CACNB2: variants seen among roughly 807,000 people sequenced by gnomAD.
The protein encoded by CACNB2 is calcium voltage-gated channel auxiliary subunit beta 2, also known as voltage-dependent L-type calcium channel subunit beta-2.
Under a neutral mutation model 73.3 loss-of-function variants are expected in CACNB2, and 42 were observed. The observed-to-expected ratio is 0.57, with a 90% CI of 0.45 to 0.74. The LOEUF (loss-of-function observed/expected upper bound fraction) is 0.74, where lower values mean the gene tolerates loss of function less well. Ranked by LOEUF, CACNB2 falls within the 30% of genes least tolerant of loss-of-function variation. CACNB2 has a pLI of 0.00. For synonymous variants in CACNB2, 348 were observed against 310.3 expected (o/e 1.12, Z -1.28); for missense variants, 940 against 853.0 (o/e 1.10, Z -1.27).
At chr10:18,408,501 AGTTCTGG>A (rs1413557921) in intron 3 of CACNB2, among the ~76,000 whole-genome samples, 5 of 152,034 alleles carry the variant, frequency 3.3e-5, no homozygotes, top group African/African-American at 1.2e-4. Context: ...GGACTCTTGA[AGTTCTGG>A]GATTACAAGC....
At position 18,356,871 on chromosome 10, in the gene CACNB2, C is replaced by T. The variant is rs986279516; in HGVS notation, c.214-45053C>T. ...TCTCGAACTCCTGGGCTCAAACGAT[C>T]CTCCTGCCTCAGCTTCCCAAAGTGC... On this transcript the variant is annotated intron_variant, in intron 2 of 13. Coordinates refer to ENST00000324631, the MANE Select transcript of CACNB2 (RefSeq NM_201596.3). 3.3e-5 allele frequency among the ~76,000 whole-genome samples: 5 copies of T among 151,866 alleles called. No individual in the cohort carries two copies. The East Asian group carries it at 5.8e-4, about 18-fold the overall frequency.
intron 13 of CACNB2, 62 bp from the exon 14 acceptor site, chr10:18,539,168 C>G: frequency 6.2e-7 from 1 of 1,608,908 alleles, no homozygotes; most frequent in Non-Finnish European, 8.5e-7. Context: ...TGCACTTGCT[C>G]TGGGACATGT....
At chr10:18,179,146 T>C (rs888069123) in intron 2 of CACNB2, among the ~76,000 whole-genome samples, 9 of 152,190 alleles carry the variant, frequency 5.9e-5, no homozygotes, top group Non-Finnish European at 1.2e-4. Context: ...ATAAAATAAA[T>C]GTCAATAACT....
At chr10:18,168,184 G>A (rs1452429066) in intron 2 of CACNB2, among the ~76,000 whole-genome samples, 9 of 152,160 alleles carry the variant, frequency 5.9e-5, no homozygotes, top group Admixed American at 5.9e-4. Context: ...AACTTGGGAG[G>A]TTGAGGCAGG....
chr10:18,219,494 A>G (rs895925599), intron 2 of CACNB2, among the ~76,000 whole-genome samples: 1 of 152,156 alleles, frequency 6.6e-6, no homozygotes, highest in South Asian at 2.1e-4. Context: ...TAATCCTTTT[A>G]CTGTAGTCCT....
At chr10:18,299,994 C>G (rs2039443085) in intron 2 of CACNB2, among the ~76,000 whole-genome samples, 1 of 151,676 alleles carries the variant, frequency 6.6e-6, no homozygotes, top group Non-Finnish European at 1.5e-5. Flanking sequence ...GGTAGAGCCT[C>G]TACCCAGTGA....
chr10:18,489,341 G>A (rs1184796347), intron 3 of CACNB2, among the ~76,000 whole-genome samples: 1 of 124,006 alleles, frequency 8.1e-6, no homozygotes, highest in Non-Finnish European at 1.6e-5. Context: ...AGTGAGTTGA[G>A]ACCTAACCAT....
At chr10:18,206,979 T>C (rs144843471) in intron 2 of CACNB2, among the ~76,000 whole-genome samples, 4 of 152,304 alleles carry the variant, frequency 2.6e-5, no homozygotes, top group African/African-American at 9.6e-5. Context: ...GACATTCACA[T>C]AACATTTATT....
intron 3 of CACNB2, among the ~76,000 whole-genome samples, chr10:18,463,919 G>C (rs745417128): frequency 6.6e-6 from 1 of 152,042 alleles, no homozygotes; most frequent in African/African-American, 2.4e-5. Context: ...CAAATGAGTG[G>C]TCTGCACTTA....
At chr10:18,171,102 A>C (rs1391281204) in intron 2 of CACNB2, among the ~76,000 whole-genome samples, 1 of 152,150 alleles carries the variant, frequency 6.6e-6, no homozygotes, top group Non-Finnish European at 1.5e-5. Flanking sequence ...CTTTGTAGTC[A>C]TAATTGTCCA....
At chr10:18,481,527 G>A (rs112989889) in intron 3 of CACNB2, among the ~76,000 whole-genome samples, 6 of 151,746 alleles carry the variant, frequency 4.0e-5, no homozygotes, top group African/African-American at 1.2e-4. Context: ...GATTACAGAC[G>A]TGAGCCACCG....
intron 2 of CACNB2, among the ~76,000 whole-genome samples, chr10:18,153,208 T>C (rs1315318991): frequency 2.0e-5 from 3 of 149,742 alleles, no homozygotes; most frequent in Admixed American, 1.3e-4. Context: ...ACCAAATTTA[T>C]CCCAAAGGGT....
At chr10:18,257,336 A>G (rs1429475511) in intron 2 of CACNB2, 1 of 152,232 alleles carries the variant, frequency 6.6e-6, no homozygotes, top group African/African-American at 2.4e-5. Flanking sequence ...AATGAAGTAA[A>G]GAATGGATCA....
intron 2 of CACNB2, among the ~76,000 whole-genome samples, chr10:18,336,125 A>C (rs1011688843): frequency 6.6e-6 from 1 of 152,230 alleles, no homozygotes; most frequent in Non-Finnish European, 1.5e-5. Flanking sequence ...AAACTTTCAG[A>C]ACATGTCTTT....
intron 2 of CACNB2, among the ~76,000 whole-genome samples, chr10:18,392,405 T>C (rs1212833844): frequency 6.6e-6 from 1 of 152,184 alleles, no homozygotes; most frequent in East Asian, 1.9e-4. Flanking sequence ...CAGCCATCGA[T>C]GTAGCCTTAG....
At chr10:18,291,543 T>A (rs2039070087) in intron 2 of CACNB2, among the ~76,000 whole-genome samples, 1 of 152,258 alleles carries the variant, frequency 6.6e-6, no homozygotes, top group South Asian at 2.1e-4. Flanking sequence ...TTCACGTGCT[T>A]AATGCCCAGA....
At chr10:18,303,534 A>G (rs2039611190) in intron 2 of CACNB2, among the ~76,000 whole-genome samples, 1 of 152,084 alleles carries the variant, frequency 6.6e-6, no homozygotes, top group South Asian at 2.1e-4. Context: ...AAAAAGGGAG[A>G]AAAAAGAAAC....
At chr10:18,368,948 T>C (rs2042465793) in intron 2 of CACNB2, among the ~76,000 whole-genome samples, 1 of 152,164 alleles carries the variant, frequency 6.6e-6, no homozygotes, top group Admixed American at 6.5e-5. Flanking sequence ...ACTTAAAGGA[T>C]CTGGTGTTCA....
At chr10:18,491,387 C>T (rs192303538) in intron 3 of CACNB2, among the ~76,000 whole-genome samples, 1 of 152,164 alleles carries the variant, frequency 6.6e-6, no homozygotes, top group Non-Finnish European at 1.5e-5. Flanking sequence ...AGTTCAAGAC[C>T]AGCCTGGGCA....
Sources: gnomAD v4.1 joint callset for allele counts (sites outside exome capture counted in the v4.1 genomes callset) on GRCh38, gnomAD v4.1.1 for gene constraint, MANE v1.5 for transcripts, NCBI Gene and HGNC (gene_info 2026-07-23, HGNC 2026-07-21) for gene names.